GFPT2: variants seen among roughly 807,000 people sequenced by gnomAD.
GFPT2 encodes glutamine--fructose-6-phosphate transaminase 2.
A neutral mutation model predicts 85.6 loss-of-function variants in GFPT2; 62 were observed. That is an observed-to-expected ratio of 0.72 (90% confidence interval 0.59 to 0.90). The LOEUF (loss-of-function observed/expected upper bound fraction) is 0.90. GFPT2 is among the 40% of genes least tolerant of loss of function. The pLI is 0.00. For synonymous variants in GFPT2, 368 were observed against 344.5 expected (o/e 1.07, Z -0.75); for missense variants, 788 against 893.4 (o/e 0.88, Z 1.50).
chr5:180,320,154 G>A (rs181987954), intron 9 of GFPT2, among the ~76,000 whole-genome samples: 204 of 151,988 alleles, frequency 1.3e-3, no homozygotes, highest in African/African-American at 4.6e-3. Context: ...CACCATGCCC[G>A]GCTACTTTTT....
Position 180,330,889 on chromosome 5 carries a change from T to G in GFPT2, c.400-55A>C, listed in dbSNP as rs570762904. The G allele has an allele frequency of 7.1e-6, 11 of 1,541,046 alleles. No individual in the cohort carries two copies. The Admixed American group carries it at 1.2e-4, about 17-fold the overall frequency. On this transcript the variant is annotated intron_variant, in intron 5 of 18. Transcript: ENST00000253778. This position sits in a 1 kb window ranked among gnomAD's most constrained non-coding sequence, Gnocchi z 4.4. ...GATTGGTCATTGCACAATGCCTGCCTGGCCAACTCCCTCTCCTCCCTGGTG... is the reference window on the plus strand; with the variant it reads ...GATTGGTCATTGCACAATGCCTGCCGGGCCAACTCCCTCTCCTCCCTGGTG...
chr5:180,329,250 G>T (rs577932459), intron 6 of GFPT2, among the ~76,000 whole-genome samples: 3 of 152,188 alleles, frequency 2.0e-5, no homozygotes, highest in Admixed American at 6.5e-5. Flanking sequence ...CTCAGCTACA[G>T]GGCCAGGAAC....
rs143331616 is a variant in GFPT2 at position 180,349,469 on chromosome 5, C to T, written c.7+3742G>A. Reference sequence around the variant, plus strand: ...AATTGAAAAGCACTGTTTACTGATGCTATACCATAAAGTTATAAAAAGAAG... The same window carrying T: ...AATTGAAAAGCACTGTTTACTGATGTTATACCATAAAGTTATAAAAAGAAG... On this transcript the variant is annotated intron_variant, in intron 1 of 18. Coordinates refer to ENST00000253778, the MANE Select transcript of GFPT2 (RefSeq NM_005110.4). Among the ~76,000 whole-genome samples, 209 of 152,252 alleles carry T rather than the reference C, an allele frequency of 1.4e-3. 2 individuals carry two copies. The highest frequency in any genetic ancestry group is 4.3e-3 in the African/African-American group (179 of 41,558).
intron 2 of GFPT2, among the ~76,000 whole-genome samples, chr5:180,337,407 C>G (rs1291646405): frequency 1.3e-5 from 2 of 148,196 alleles, no homozygotes; most frequent in African/African-American, 5.0e-5. Context: ...GAGCTGAGAT[C>G]GCGCCACTGC....
At chr5:180,317,936 A>G (rs551136724) in intron 10 of GFPT2, among the ~76,000 whole-genome samples, 1 of 151,956 alleles carries the variant, frequency 6.6e-6, no homozygotes, top group Non-Finnish European at 1.5e-5. Context: ...ACGCACACTC[A>G]TGACACCAAC....
At chr5:180,321,242 G>A (rs147283319) in intron 9 of GFPT2, among the ~76,000 whole-genome samples, 1 of 151,614 alleles carries the variant, frequency 6.6e-6, no homozygotes, top group African/African-American at 2.4e-5. Context: ...GCCCTATCCT[G>A]TCTCCGAGAG....
Position 180,350,777 on chromosome 5 carries a change from T to C in GFPT2, c.7+2434A>G, listed in dbSNP as rs1764697445. On this transcript the variant is annotated intron_variant, in intron 1 of 18. Coordinates refer to ENST00000253778, the MANE Select transcript of GFPT2 (RefSeq NM_005110.4). The stretch of plus-strand genomic sequence containing the variant: ...GCACTGAAAGTTTTTGAGAATCATC[T>C]GCTGTTTGTAGAGGATCAACTACTG... Among the ~76,000 whole-genome samples, 2 of 152,322 alleles carry C rather than the reference T, an allele frequency of 1.3e-5. 1 individual carries two copies. Among genetic ancestry groups the C allele is most frequent in the South Asian group, 4.2e-4 (2 of 4,772 alleles).
chr5:180,329,216 A>T (rs1043378664), intron 6 of GFPT2, among the ~76,000 whole-genome samples: 3 of 152,198 alleles, frequency 2.0e-5, no homozygotes, highest in African/African-American at 7.2e-5. Context: ...CCGGGTGGTC[A>T]GCGTGTCGGG....
chr5:180,302,680 G>T, intron 17 of GFPT2, 96 bp from the exon 18 acceptor site: 1 of 931,112 alleles, frequency 1.1e-6, no homozygotes, highest in Non-Finnish European at 1.6e-6. Context: ...ACTGTGATGA[G>T]AACAGTCCTC....
At position 180,311,261 on chromosome 5, in the gene GFPT2, G is replaced by A. The variant is rs1033584590; in HGVS notation, c.1546+1169C>T. Among the ~76,000 whole-genome samples the A allele has an allele frequency of 3.3e-5, 5 of 152,220 alleles. No individual in the cohort carries two copies. The East Asian group carries it at 7.7e-4, about 23-fold the overall frequency. On this transcript the variant is annotated intron_variant, in intron 15 of 18. Coordinates refer to ENST00000253778, the MANE Select transcript of GFPT2 (RefSeq NM_005110.4). Reference sequence around the variant, plus strand: ...CTGGGGCGAGGCTCGATTCATCTCCGCCTCTCAGGCCTGCACAGAAGTCTC... The same window carrying A: ...CTGGGGCGAGGCTCGATTCATCTCCACCTCTCAGGCCTGCACAGAAGTCTC...
At chr5:180,349,893 TC>T (rs1764679457) in intron 1 of GFPT2, among the ~76,000 whole-genome samples, 1 of 149,898 alleles carries the variant, frequency 6.7e-6, no homozygotes, top group African/African-American at 2.5e-5. Flanking sequence ...TTTTTTTTTC[TC>T]CCTCACAGAT....
chr5:180,311,380 T>C (rs1330058548), intron 15 of GFPT2, among the ~76,000 whole-genome samples: 3 of 152,148 alleles, frequency 2.0e-5, no homozygotes, highest in Middle Eastern at 3.2e-3. Flanking sequence ...ACGGCACTGG[T>C]TCTTAATATA....
At chr5:180,345,529 T>G (rs1488385475) in intron 1 of GFPT2, among the ~76,000 whole-genome samples, 1 of 152,280 alleles carries the variant, frequency 6.6e-6, no homozygotes, top group Non-Finnish European at 1.5e-5. Flanking sequence ...TGACCCATTC[T>G]GCAGGTTTTA....
chr5:180,307,991 T>G (rs1199651557), intron 15 of GFPT2, among the ~76,000 whole-genome samples: 1 of 151,596 alleles, frequency 6.6e-6, no homozygotes, highest in Non-Finnish European at 1.5e-5. Flanking sequence ...GTGCGGTGGC[T>G]CACGCCTGTA....
chr5:180,340,511 G>GTTT lies in GFPT2; in HGVS notation c.8-1914_8-1912dup, dbSNP rs779151812. Among the ~76,000 whole-genome samples, 39 of 113,380 alleles carry GTTT rather than the reference G, an allele frequency of 3.4e-4. 2 individuals carry two copies. Among genetic ancestry groups the GTTT allele is most frequent in the African/African-American group, 1.0e-3 (29 of 27,892 alleles). 74.4% of individuals were successfully genotyped at this position (113,380 alleles called of 152,430 possible). A position where few individuals can be genotyped will look rare whatever the true frequency, so the allele number is the denominator to read the frequency against. On this transcript the variant is annotated intron_variant, in intron 1 of 18. Transcript: ENST00000253778. ...GTGAGCCACCCTGCCTGGCCTGCAG[G>GTTT]TTTTTTTTTTTTTTTTTTGAGACGG... is the stretch of plus-strand genomic sequence containing the variant.
At position 180,302,616 on chromosome 5, in the gene GFPT2, C is replaced by T. The variant is rs774892790; in HGVS notation, c.1843-32G>A. The T allele has an allele frequency of 2.5e-6, 4 of 1,575,854 alleles. No individual in the cohort carries two copies. The South Asian group carries it at 3.4e-5, about 13-fold the overall frequency. On this transcript the variant is annotated intron_variant, in intron 17 of 18. Coordinates refer to ENST00000253778, the MANE Select transcript of GFPT2 (RefSeq NM_005110.4). Reference sequence around the variant, plus strand: ...CAGAGAAATAGCATCATAAAATAGACCCTCTCTGAAAGAAGCTATCCCTGA... The same window carrying T: ...CAGAGAAATAGCATCATAAAATAGATCCTCTCTGAAAGAAGCTATCCCTGA...
intron 15 of GFPT2, among the ~76,000 whole-genome samples, chr5:180,310,832 C>CAAAAAAAAAAAAAAAAAA (rs3080055): frequency 2.0e-5 from 1 of 50,582 alleles, no homozygotes; most frequent in Non-Finnish European, 3.3e-5. Context: ...TGGACACAGG[C>CAAAAAAAAAAAAAAAAAA]AAAAAAAAAA....
In GFPT2 at chr5:180,307,240, G is replaced by C. The variant is rs543722787; in HGVS notation, c.1610C>G (p.Thr537Arg). 2 of 1,612,800 alleles carry C rather than the reference G, an allele frequency of 1.2e-6. No homozygotes were observed. The highest frequency in any genetic ancestry group is 1.1e-5 in the South Asian group (1 of 90,994). The change falls in exon 16 of 19, where the codon ACG (threonine) becomes AGG (arginine). Residue 537 changes from threonine (T) to arginine (R), a missense_variant. Coordinates refer to ENST00000253778, the MANE Select transcript of GFPT2 (RefSeq NM_005110.4). ...CCCCATCACCAGCAGCGATCTCTGC[G>C]TGTAGAGCTCCAGGGCCAAGTCGTG... ...KIHDLALELY[T>R]QRSLLVMGRG...
At chr5:180,351,976 A>G (rs549411741) in intron 1 of GFPT2, among the ~76,000 whole-genome samples, 210 of 152,294 alleles carry the variant, frequency 1.4e-3, no homozygotes, top group Non-Finnish European at 2.5e-3. Flanking sequence ...GACATCTGGC[A>G]AAACTACCAC....
Sources: allele counts gnomAD v4.1 joint callset (sites outside exome capture counted in the v4.1 genomes callset), GRCh38; gene constraint gnomAD v4.1.1; non-coding constraint Gnocchi (gnomAD v3.1); transcripts MANE v1.5; gene names NCBI Gene and HGNC (gene_info 2026-07-23, HGNC 2026-07-21).